WDR25: variants seen among roughly 807,000 people sequenced by gnomAD.
The protein encoded by WDR25 is WD repeat-containing protein 25.
A neutral mutation model predicts 47.7 loss-of-function variants in WDR25; 35 were observed. The ratio of observed to expected loss-of-function variants is 0.73; its 90% CI spans 0.56 to 0.97. The LOEUF (loss-of-function observed/expected upper bound fraction) is 0.97, where lower values mean the gene tolerates loss of function less well. Ranked by LOEUF, WDR25 falls within the 50% of genes least tolerant of loss-of-function variation. The pLI is 0.00. For missense variants in WDR25, 634 were observed against 704.7 expected (o/e 0.90, Z 1.14); for synonymous variants, 248 against 278.9 (o/e 0.89, Z 1.10).
intron 2 of WDR25, among the ~76,000 whole-genome samples, chr14:100,386,423 C>T (rs984310946): frequency 6.6e-6 from 1 of 152,180 alleles, no homozygotes; most frequent in African/African-American, 2.4e-5. Context: ...ATTTTTCTAC[C>T]TTATTAAAAA....
chr14:100,410,061 A>G (rs1424412198), intron 2 of WDR25, among the ~76,000 whole-genome samples: 2 of 152,198 alleles, frequency 1.3e-5, no homozygotes, highest in Non-Finnish European at 2.9e-5. Flanking sequence ...TCAGAAAATA[A>G]GTGTTTTAAA....
chr14:100,515,905 C>T (rs889779397), intron 4 of WDR25, among the ~76,000 whole-genome samples: 17 of 151,044 alleles, frequency 1.1e-4, no homozygotes, highest in African/African-American at 3.9e-4. Context: ...CCCAAAGTTC[C>T]GGTATTACAG....
At chr14:100,482,739 A>T (rs1359986066) in intron 3 of WDR25, among the ~76,000 whole-genome samples, 1 of 152,220 alleles carries the variant, frequency 6.6e-6, no homozygotes, top group Non-Finnish European at 1.5e-5. Context: ...TGCTTTCTGA[A>T]TTGAATGAGC....
At chr14:100,448,193 C>CAAAAAAA (rs111428141) in intron 2 of WDR25, among the ~76,000 whole-genome samples, 1 of 110,278 alleles carries the variant, frequency 9.1e-6, no homozygotes, top group African/African-American at 3.6e-5. Context: ...AACTCCGTCT[C>CAAAAAAA]AAAAAAAAAA....
chr14:100,485,024 C>T (rs1391423203), intron 4 of WDR25, among the ~76,000 whole-genome samples: 1 of 152,206 alleles, frequency 6.6e-6, no homozygotes, highest in Admixed American at 6.5e-5. Context: ...AATGATCCTC[C>T]TTGGCCTGGG....
chr14:100,480,844 C>A, intron 3 of WDR25: 1 of 231,438 alleles, frequency 4.3e-6, no homozygotes, highest in Non-Finnish European at 8.7e-6. Context: ...TCACAAAATC[C>A]TTTGCTTCGA....
intron 2 of WDR25, among the ~76,000 whole-genome samples, chr14:100,389,279 A>G (rs554562838): frequency 6.6e-6 from 1 of 152,294 alleles, no homozygotes; most frequent in East Asian, 1.9e-4. Context: ...TTCCCTACAT[A>G]TATCAACTAG....
chr14:100,420,776 G>A (rs1595521425), intron 2 of WDR25, among the ~76,000 whole-genome samples: 3 of 152,204 alleles, frequency 2.0e-5, no homozygotes, highest in African/African-American at 2.4e-5. Flanking sequence ...AACCCAACTC[G>A]AGTGGCTTCA....
chr14:100,404,960 A>G lies in WDR25; in HGVS notation c.822+23214A>G, dbSNP rs1182223232. 6.6e-6 allele frequency among the ~76,000 whole-genome samples: 1 copy of G among 151,904 alleles called. No homozygotes were observed. The highest frequency in any genetic ancestry group is 1.5e-5 in the Non-Finnish European group (1 of 67,992). On this transcript the variant is annotated intron_variant, in intron 2 of 6. Coordinates refer to ENST00000402312, the MANE Select transcript of WDR25 (RefSeq NM_001161476.3). The surrounding 1 kb of genome is among the most constrained non-coding windows in gnomAD (Gnocchi z 4.6). ...CCCTCCTACCTTGTGTCCCCATGCT[A>G]GTTCTGTCTTTCCTGTGCTCGCAGA...
chr14:100,491,139 G>A (rs1000750522), intron 4 of WDR25, among the ~76,000 whole-genome samples: 3 of 152,332 alleles, frequency 2.0e-5, no homozygotes, highest in Admixed American at 1.3e-4. Flanking sequence ...GCATCACGCT[G>A]TGCACGCTGT....
intron 2 of WDR25, among the ~76,000 whole-genome samples, chr14:100,460,737 T>C (rs562754757): frequency 1.5e-4 from 23 of 152,312 alleles, no homozygotes; most frequent in Non-Finnish European, 2.2e-4. Flanking sequence ...TTAGCTCTAA[T>C]GTCGTTCTTA....
chr14:100,411,755 C>CA (rs910583086), intron 2 of WDR25, among the ~76,000 whole-genome samples: 3 of 152,166 alleles, frequency 2.0e-5, no homozygotes, highest in Non-Finnish European at 4.4e-5. Flanking sequence ...AGGCTGGTCT[C>CA]AAACTCCGGA....
At position 100,506,547 on chromosome 14, in the gene WDR25, T is replaced by C. The variant is rs1478053421; in HGVS notation, c.1102-19323T>C. Among the ~76,000 whole-genome samples the C allele has an allele frequency of 3.3e-5, 5 of 152,200 alleles. No homozygotes were observed. In the East Asian group the frequency reaches 7.7e-4, roughly 23 times the overall value. On this transcript the variant is annotated intron_variant, in intron 4 of 6. Coordinates refer to ENST00000402312, the MANE Select transcript of WDR25 (RefSeq NM_001161476.3). The surrounding 1 kb of genome is among the most constrained non-coding windows in gnomAD (Gnocchi z 4.8). ...TCCCACCAACAGAGTATAAGTGTTC[T>C]TTTTTCTCTGCAGCCTTGCTAGCAC... is the stretch of plus-strand genomic sequence containing the variant.
chr14:100,513,468 A>G (rs1021979268), intron 4 of WDR25, among the ~76,000 whole-genome samples: 5 of 152,170 alleles, frequency 3.3e-5, no homozygotes, highest in Admixed American at 6.5e-5. Context: ...GTAAATATCT[A>G]TTATTTATAA....
In WDR25 at chr14:100,381,107, G is replaced by C. The variant is rs1338894578; in HGVS notation, c.183G>C (p.Gly61=). 2 of 1,614,202 alleles carry C rather than the reference G, an allele frequency of 1.2e-6. No individual in the cohort carries two copies. The highest frequency in any genetic ancestry group is 4.5e-5 in the East Asian group (2 of 44,878). ...ASGTLDVPKA[G]AQPTKHGSCE... is the part of the protein sequence containing the mutation. Reference sequence around the variant, plus strand: ...GTACACTGGATGTGCCCAAAGCAGGGGCACAGCCCACAAAGCATGGCTCCT... The same window carrying C: ...GTACACTGGATGTGCCCAAAGCAGGCGCACAGCCCACAAAGCATGGCTCCT... Residue 61 remains glycine, a synonymous_variant, in exon 2 of 7, where the codon GGG becomes GGC. Transcript: ENST00000402312.
At chr14:100,442,511 A>G (rs935765072) in intron 2 of WDR25, among the ~76,000 whole-genome samples, 2 of 152,252 alleles carry the variant, frequency 1.3e-5, no homozygotes, top group Admixed American at 1.3e-4. Flanking sequence ...ACCAGATCAG[A>G]ACCCTCTCTC....
At chr14:100,384,757 G>A (rs185082810) in intron 2 of WDR25, among the ~76,000 whole-genome samples, 48 of 152,240 alleles carry the variant, frequency 3.2e-4, no homozygotes, top group Non-Finnish European at 5.7e-4. Flanking sequence ...ACCCTTCCCA[G>A]GGTGCTTTCC....
At chr14:100,462,826 C>T (rs962190200) in intron 2 of WDR25, among the ~76,000 whole-genome samples, 1 of 137,532 alleles carries the variant, frequency 7.3e-6, no homozygotes, top group Non-Finnish European at 1.6e-5. Flanking sequence ...CCTCTCTTCC[C>T]CTCCCTTCTC....
chr14:100,422,561 G>A (rs1192321936), intron 2 of WDR25, among the ~76,000 whole-genome samples: 1 of 152,194 alleles, frequency 6.6e-6, no homozygotes, highest in Non-Finnish European at 1.5e-5. Flanking sequence ...GTACACCCCT[G>A]TGAAAGCTTC....
Sources: allele counts gnomAD v4.1 joint callset (sites outside exome capture counted in the v4.1 genomes callset), GRCh38; gene constraint gnomAD v4.1.1; non-coding constraint Gnocchi (gnomAD v3.1); transcripts MANE v1.5; gene names NCBI Gene and HGNC (gene_info 2026-07-23, HGNC 2026-07-21).